Variants in LRRIQ1 observed in about 807,000 individuals in gnomAD.
LRRIQ1 encodes the protein leucine rich repeats and IQ motif containing 1, also known as leucine-rich repeat- and IQ domain-containing protein 1.
In LRRIQ1, 210 loss-of-function variants were observed where a neutral mutation model predicts 211.9. That is an observed-to-expected ratio of 0.99 (90% CI 0.89 to 1.11). The LOEUF (loss-of-function observed/expected upper bound fraction) is 1.11, where lower values mean the gene tolerates loss of function less well. LRRIQ1 is among the 50% of genes most tolerant of loss of function. LRRIQ1 has a pLI of 0.00. For missense variants in LRRIQ1, 2,136 were observed against 1,939.5 expected, an observed-to-expected ratio of 1.10 and a Z score of -1.90; for synonymous variants, 699 against 650.1, an observed-to-expected ratio of 1.08 and a Z score of -1.14.
chr12:85,208,671 G>T (rs1231844814), intron 24 of LRRIQ1, among the ~76,000 whole-genome samples: 2 of 151,978 alleles, frequency 1.3e-5, no homozygotes, highest in African/African-American at 4.8e-5. Context: ...TTCTAAAAAT[G>T]AAAACTATTA....
At chr12:85,114,707 T>A (rs1887450577) in intron 15 of LRRIQ1, among the ~76,000 whole-genome samples, 1 of 152,116 alleles carries the variant, frequency 6.6e-6, no homozygotes, top group Non-Finnish European at 1.5e-5. Flanking sequence ...TGGCTATAAT[T>A]TCTATATTTA....
Position 85,245,074 on chromosome 12 carries a change from T to C in LRRIQ1, c.*133T>C, listed in dbSNP as rs561819729. 1.5e-6 allele frequency: 2 copies of C among 1,320,292 alleles called. No homozygotes were observed. The highest frequency in any genetic ancestry group is 2.7e-5 in the East Asian group (1 of 37,104). 81.8% of individuals were successfully genotyped at this position (1,320,292 alleles called of 1,614,324 possible). A position where few individuals can be genotyped will look rare whatever the true frequency, so the allele number is the denominator to read the frequency against. On this transcript the variant is annotated 3_prime_UTR_variant, in exon 27 of 27. Coordinates refer to ENST00000393217, the MANE Select transcript of LRRIQ1 (RefSeq NM_001079910.2). ...TCTTTCTTTAAATATCCTCTTTTGA[T>C]ATAAACAAAATTAAATTATTTCTAA...
rs1555210000 is a variant in LRRIQ1, at chr12:85,113,907, T to TTGGGTGTGTG, written c.3377+7294_3377+7295insGGTGTGTGTG. Among the ~76,000 whole-genome samples the TTGGGTGTGTG allele has an allele frequency of 9.2e-5, 13 of 140,866 alleles. 1 individual carries two copies. Among genetic ancestry groups the TTGGGTGTGTG allele is most frequent in the Admixed American group, 8.5e-4 (12 of 14,088 alleles). 92.4% of individuals were successfully genotyped at this position (140,866 alleles called of 152,430 possible). On this transcript the variant is annotated intron_variant, in intron 15 of 26. Transcript: ENST00000393217. ...GAAATTTCAATTATTCAAATGAGTTTTGTGTGTGTGTGTGTGTGTGTGTGT... is the reference window on the plus strand; with the variant it reads ...GAAATTTCAATTATTCAAATGAGTTTTGGGTGTGTGTGTGTGTGTGTGTGTGTGTGTGTGT...
intron 1 of LRRIQ1, among the ~76,000 whole-genome samples, chr12:85,262,709 A>G (rs1297499080): frequency 2.6e-5 from 4 of 152,086 alleles, no homozygotes; most frequent in African/African-American, 7.2e-5. Context: ...CCCTCCCTCT[A>G]TTTAACCTAA....
chr12:85,112,041 A>G (rs958155020), intron 15 of LRRIQ1, among the ~76,000 whole-genome samples: 2 of 152,078 alleles, frequency 1.3e-5, no homozygotes, highest in Admixed American at 1.3e-4. Context: ...CATACATTAG[A>G]TACGACATGT....
At chr12:85,132,258 G>T (rs1339977885) in intron 18 of LRRIQ1, among the ~76,000 whole-genome samples, 1 of 151,256 alleles carries the variant, frequency 6.6e-6, no homozygotes, top group Non-Finnish European at 1.5e-5. Flanking sequence ...AGGAAGGTAG[G>T]TAAAAAAAAA....
chr12:85,191,946 A>T (rs1464628204), intron 24 of LRRIQ1, among the ~76,000 whole-genome samples: 1 of 151,650 alleles, frequency 6.6e-6, no homozygotes, highest in Non-Finnish European at 1.5e-5. Flanking sequence ...AGGTCTTTTG[A>T]CCATATTTTA....
intron 1 of LRRIQ1, among the ~76,000 whole-genome samples, chr12:85,256,205 A>G (rs1288704890): frequency 1.3e-5 from 2 of 151,698 alleles, no homozygotes; most frequent in Non-Finnish European, 3.0e-5. Flanking sequence ...CTAGTTGTAC[A>G]TATGTTAGCT....
intron 24 of LRRIQ1, among the ~76,000 whole-genome samples, chr12:85,189,196 G>GATT (rs1037715832): frequency 1.2e-4 from 19 of 152,114 alleles, no homozygotes. Context: ...TTCCAAGAAT[G>GATT]ATTAGCTCTT....
chr12:85,041,053 T>G (rs1340549095), intron 3 of LRRIQ1, among the ~76,000 whole-genome samples: 1 of 151,718 alleles, frequency 6.6e-6, no homozygotes, highest in Non-Finnish European at 1.5e-5. Flanking sequence ...AGAATTAACC[T>G]TGGCTTGGTT....
chr12:85,196,256 G>A (rs1397161101), intron 24 of LRRIQ1, among the ~76,000 whole-genome samples: 1 of 151,952 alleles, frequency 6.6e-6, no homozygotes, highest in Admixed American at 6.6e-5. Context: ...ACTGCCCAAG[G>A]TAATTTATAG....
intron 1 of LRRIQ1, among the ~76,000 whole-genome samples, chr12:85,256,563 A>C (rs1011469132): frequency 2.0e-5 from 3 of 151,656 alleles, no homozygotes; most frequent in Non-Finnish European, 4.4e-5. Flanking sequence ...ATGAAAATGA[A>C]TAATGAAAGT....
chr12:85,207,881 T>C (rs1179157730), intron 24 of LRRIQ1, among the ~76,000 whole-genome samples: 2 of 152,202 alleles, frequency 1.3e-5, no homozygotes, highest in Non-Finnish European at 2.9e-5. Context: ...TATGTTCCAC[T>C]GGTCTATTTG....
intron 11 of LRRIQ1, among the ~76,000 whole-genome samples, chr12:85,080,785 G>T (rs1592755242): frequency 6.6e-6 from 1 of 150,998 alleles, no homozygotes; most frequent in African/African-American, 2.4e-5. Context: ...TCTGTGTCTG[G>T]TAACTTCATT....
chr12:85,071,519 T>C (rs80245847), intron 10 of LRRIQ1, among the ~76,000 whole-genome samples: 5 of 152,174 alleles, frequency 3.3e-5, no homozygotes, highest in Non-Finnish European at 5.9e-5. Context: ...TGATCAGATA[T>C]ATCTTCAGGT....
rs1219799123 is a variant in LRRIQ1 at position 85,038,164 on chromosome 12, A to T, written c.-13A>T. 1 of 1,516,954 alleles carries T rather than the reference A, an allele frequency of 6.6e-7. No homozygotes were observed. The highest frequency in any genetic ancestry group is 1.3e-5 in the South Asian group (1 of 75,158). 94.0% of individuals were successfully genotyped at this position (1,516,954 alleles called of 1,614,324 possible). Reference sequence around the variant, plus strand: ...ATTTTTTAAAGCAGTTCTGTGCTTTATTATGAAGAATAATGGACGATGATG... The same window carrying T: ...ATTTTTTAAAGCAGTTCTGTGCTTTTTTATGAAGAATAATGGACGATGATG... On this transcript the variant is annotated 5_prime_UTR_variant, in exon 2 of 27. Coordinates refer to ENST00000393217, the MANE Select transcript of LRRIQ1 (RefSeq NM_001079910.2).
Position 85,056,414 on chromosome 12 carries a change from A to G in LRRIQ1, c.1621A>G (p.Met541Val). 1.3e-6 allele frequency: 2 copies of G among 1,588,792 alleles called. No homozygotes were observed. Residue 541 changes from methionine (M) to valine (V), a missense_variant, in exon 8 of 27, where the codon ATG becomes GTG. By Grantham distance (21) the Met-to-Val change is conservative (BLOSUM62 1). Transcript: ENST00000393217. ...TGATGCACAAAAAGAAGAAAAAATC[A>G]TGAAACATGTCATAAATGAGAATAC... The part of the protein sequence containing the change: ...KSDAQKEEKI[M>V]KHVINENTGQ...
rs1361088772 is a variant in LRRIQ1, at chr12:85,056,878, C to G, written c.2085C>G (p.Ser695=). The change falls in exon 8 of 27, where the codon TCC becomes TCG. Residue 695 remains serine (S), a synonymous_variant. Coordinates refer to ENST00000393217, the MANE Select transcript of LRRIQ1 (RefSeq NM_001079910.2). ...TGAGTAACTATAATGCAGAAAGCTC[C>G]ATGGTATCTAAAGAAGTCAACTCTC... ...EGLSNYNAES[S]MVSKEVNSLK... 6.2e-7 allele frequency: 1 copy of G among 1,613,202 alleles called. No individual in the cohort carries two copies. Among genetic ancestry groups the G allele is most frequent in the African/African-American group, 1.3e-5 (1 of 74,840 alleles).
At chr12:85,239,250 G>A (rs1895345407) in intron 26 of LRRIQ1, among the ~76,000 whole-genome samples, 1 of 151,706 alleles carries the variant, frequency 6.6e-6, no homozygotes, top group South Asian at 2.1e-4. Flanking sequence ...TATGGAAATG[G>A]AAAGGACCTA....
Sources: gnomAD v4.1 joint callset for allele counts (sites outside exome capture counted in the v4.1 genomes callset) on GRCh38, gnomAD v4.1.1 for gene constraint, MANE v1.5 for transcripts, NCBI Gene and HGNC (gene_info 2026-07-23, HGNC 2026-07-21) for gene names.